The following DAB1 variants were observed in gnomAD, a reference collection of about 807,000 sequenced individuals.
DAB1 encodes the protein disabled homolog 1.
A neutral mutation model predicts 64.6 loss-of-function variants in DAB1; 15 were observed. The ratio of observed to expected loss-of-function variants is 0.23; its 90% CI spans 0.16 to 0.36. DAB1 has a LOEUF of 0.36. Ranked by LOEUF, DAB1 falls within the 10% of genes least tolerant of loss-of-function variation. The pLI, the probability that DAB1 is intolerant of heterozygous loss-of-function variation, is 1.00. For synonymous variants in DAB1, 235 were observed against 251.9 expected (o/e 0.93, Z 0.64); for missense variants, 596 against 706.7 (o/e 0.84, Z 1.78).
intron 2 of DAB1, among the ~76,000 whole-genome samples, chr1:57,225,259 T>C (rs1315415989): frequency 1.3e-5 from 2 of 152,206 alleles, no homozygotes; most frequent in Non-Finnish European, 2.9e-5. Context: ...AGTTTTGTGA[T>C]ACACAAGACT....
chr1:58,380,355 C>T (rs1644375480), intron 3 of DAB1, among the ~76,000 whole-genome samples: 2 of 152,220 alleles, frequency 1.3e-5, no homozygotes, highest in Non-Finnish European at 2.9e-5. Context: ...CTTGCTTTCC[C>T]ATTCACCTTC....
chr1:57,125,636 C>T lies in DAB1; in HGVS notation c.306+10907G>A, dbSNP rs76430512. Among the ~76,000 whole-genome samples, 325 of 152,128 alleles carry T rather than the reference C, an allele frequency of 2.1e-3. 1 individual carries two copies. Among genetic ancestry groups the T allele is most frequent in the African/African-American group, 7.6e-3 (315 of 41,494 alleles). On this transcript the variant is annotated intron_variant, in intron 4 of 14. Transcript: ENST00000371236. Reference sequence around the variant, plus strand: ...AGAAAAATGAGGGGAAAATGGGTTACCTATGCATTAAGATCATCAATAAGA... The same window carrying T: ...AGAAAAATGAGGGGAAAATGGGTTATCTATGCATTAAGATCATCAATAAGA...
chr1:58,001,378 C>T (rs1557604197), intron 5 of DAB1, among the ~76,000 whole-genome samples: 1 of 152,144 alleles, frequency 6.6e-6, no homozygotes, highest in African/African-American at 2.4e-5. Context: ...ATTCTCATGC[C>T]TCAACCTCCT....
intron 2 of DAB1, among the ~76,000 whole-genome samples, chr1:57,184,662 A>G (rs900315167): frequency 1.3e-5 from 2 of 152,128 alleles, no homozygotes; most frequent in African/African-American, 4.8e-5. Context: ...TACATGGTTT[A>G]TGCTCCAATC....
At position 57,327,507 on chromosome 1, in the gene DAB1, TGGGGC is replaced by T. The variant is rs1194910518; in HGVS notation, c.-136-36346_-136-36342del. Among the ~76,000 whole-genome samples the T allele has an allele frequency of 5.9e-5, 9 of 152,238 alleles. No individual in the cohort carries two copies. The East Asian group carries it at 1.7e-3, about 29-fold the overall frequency. The stretch of plus-strand genomic sequence containing the variant: ...ATCTGCCAATCCTCCGGACGGCAGA[TGGGGC>T]CTCTTCAGAACTGCTGCCAAACCTG... On this transcript the variant is annotated intron_variant, in intron 1 of 14. Transcript: ENST00000371236.
intron 2 of DAB1, among the ~76,000 whole-genome samples, chr1:57,166,161 G>A (rs1045934216): frequency 1.3e-5 from 2 of 152,172 alleles, no homozygotes; most frequent in African/African-American, 2.4e-5. Context: ...GCCCTATGAG[G>A]TAGGTATTGT....
intron 6 of DAB1, among the ~76,000 whole-genome samples, chr1:57,814,203 G>A (rs1370436118): frequency 6.6e-6 from 1 of 152,208 alleles, no homozygotes; most frequent in Non-Finnish European, 1.5e-5. Context: ...AGCTGATCCT[G>A]AACCCCGTGT....
intron 2 of DAB1, among the ~76,000 whole-genome samples, chr1:57,217,761 T>C (rs936306754): frequency 2.0e-5 from 3 of 152,112 alleles, no homozygotes; most frequent in African/African-American, 7.2e-5. Flanking sequence ...GGATATCCAC[T>C]GACCCATCAA....
intron 3 of DAB1, among the ~76,000 whole-genome samples, chr1:58,352,976 T>G (rs537120827): frequency 6.6e-6 from 1 of 152,198 alleles, no homozygotes; most frequent in Middle Eastern, 3.4e-3. Flanking sequence ...GAAGTAAACT[T>G]TTGTTGTTTA....
intron 4 of DAB1, among the ~76,000 whole-genome samples, chr1:57,129,387 A>T (rs563059300): frequency 5.9e-5 from 9 of 152,148 alleles, no homozygotes; most frequent in Non-Finnish European, 1.2e-4. Flanking sequence ...CCACACAGAG[A>T]CCCAATTTTT....
At chr1:57,775,766 CTATT>C (rs1261801163) in intron 6 of DAB1, among the ~76,000 whole-genome samples, 1 of 151,260 alleles carries the variant, frequency 6.6e-6, no homozygotes, top group Non-Finnish European at 1.5e-5. Context: ...ATTTTTTTAT[CTATT>C]TATCTTTTCA....
intron 1 of DAB1, among the ~76,000 whole-genome samples, chr1:57,401,286 C>A (rs558949808): frequency 1.3e-5 from 2 of 152,112 alleles, no homozygotes; most frequent in African/African-American, 4.8e-5. Flanking sequence ...CTATTTGTAT[C>A]TTGTTTTCTC....
intron 5 of DAB1, among the ~76,000 whole-genome samples, chr1:58,112,660 T>C (rs376395482): frequency 2.0e-5 from 3 of 152,338 alleles, no homozygotes; most frequent in Admixed American, 6.5e-5. Flanking sequence ...ATGGAAACCA[T>C]AGGTCCTAAT....
chr1:57,316,737 G>A (rs1019960188), intron 1 of DAB1, among the ~76,000 whole-genome samples: 1 of 152,202 alleles, frequency 6.6e-6, no homozygotes, highest in African/African-American at 2.4e-5. Context: ...TCTGCTGGGA[G>A]CCAAAAAATT....
chr1:57,145,163 G>T, intron 3 of DAB1, 127 bp downstream of exon 3: 1 of 898,010 alleles, frequency 1.1e-6, no homozygotes, highest in South Asian at 1.8e-5. Flanking sequence ...AAAATATGGT[G>T]ATTCAACAGT....
intron 7 of DAB1, among the ~76,000 whole-genome samples, chr1:57,506,182 G>T (rs1198958412): frequency 6.6e-6 from 1 of 152,062 alleles, no homozygotes; most frequent in Non-Finnish European, 1.5e-5. Context: ...GCGTTGCATT[G>T]TTAAGAAATA....
At chr1:57,717,224 G>A (rs1317623614) in intron 6 of DAB1, among the ~76,000 whole-genome samples, 2 of 151,168 alleles carry the variant, frequency 1.3e-5, no homozygotes, top group African/African-American at 2.4e-5. Context: ...GCGACAGAGC[G>A]AGACTGTCTC....
At chr1:57,143,763 G>A (rs529764391) in intron 3 of DAB1, among the ~76,000 whole-genome samples, 8 of 151,380 alleles carry the variant, frequency 5.3e-5, no homozygotes, top group Non-Finnish European at 7.4e-5. Context: ...AGGTGATGCC[G>A]ATTTTATCAC....
chr1:57,746,576 C>T (rs1380365594), intron 6 of DAB1, among the ~76,000 whole-genome samples: 1 of 151,942 alleles, frequency 6.6e-6, no homozygotes, highest in African/African-American at 2.4e-5. Context: ...GAGATTGGTT[C>T]CAGGACCCCC....
Sources: allele counts gnomAD v4.1 joint callset (sites outside exome capture counted in the v4.1 genomes callset), GRCh38; gene constraint gnomAD v4.1.1; transcripts MANE v1.5; gene names NCBI Gene and HGNC (gene_info 2026-07-23, HGNC 2026-07-21).